The following BOD1L1 variants were observed in gnomAD, a reference collection of about 807,000 sequenced individuals.
BOD1L1 encodes biorientation of chromosomes in cell division protein 1-like 1.
Under a neutral mutation model 240.7 loss-of-function variants are expected in BOD1L1, and 86 were observed. That is an observed-to-expected ratio of 0.36 (90% confidence interval 0.30 to 0.43). BOD1L1 has a LOEUF of 0.43. Ranked by LOEUF, BOD1L1 falls within the 20% of genes least tolerant of loss-of-function variation. The pLI is 1.00. For missense variants in BOD1L1, 3,554 were observed against 3,643.5 expected (o/e 0.98, Z 0.63); for synonymous variants, 1,268 against 1,272.3 (o/e 1.00, Z 0.07).
chr4:13,603,043 G>C lies in BOD1L1; in HGVS notation c.3857C>G (p.Ser1286Ter). 6.2e-7 allele frequency: 1 copy of C among 1,614,016 alleles called. No individual in the cohort carries two copies. The highest frequency in any genetic ancestry group is 8.5e-7 in the Non-Finnish European group (1 of 1,179,876). The stretch of plus-strand genomic sequence containing the variant: ...TTCCCTCAGAGGCACAACAGTCACT[G>C]AACTTAAGGATGGTGAGGAGTCTAA... ...TNLDSSPSLSSVTVVPLRESY... is the reference protein window; with the variant it reads ...TNLDSSPSLS Residue 1286 changes from serine to a stop codon, truncating the protein, a stop_gained, in exon 10 of 26, where the codon TCA (serine) becomes TGA (stop). Transcript: ENST00000040738. LOFTEE classifies it high-confidence loss of function.
In BOD1L1 at chr4:13,605,784, A is replaced by G. The variant is rs566796254; in HGVS notation, c.1816-700T>C. Among the ~76,000 whole-genome samples, 48 of 152,328 alleles carry G rather than the reference A, an allele frequency of 3.2e-4. 2 individuals carry two copies. The South Asian group carries it at 9.3e-3, about 30-fold the overall frequency. Reference sequence around the variant, plus strand: ...AACCTCATGAATTTAGGCTACTTGTACAATATTCTACACATGAAGCTTCAA... The same window carrying G: ...AACCTCATGAATTTAGGCTACTTGTGCAATATTCTACACATGAAGCTTCAA... On this transcript the variant is annotated intron_variant, in intron 9 of 25. Coordinates refer to ENST00000040738, the MANE Select transcript of BOD1L1 (RefSeq NM_148894.3).
At chr4:13,616,273 A>C (rs1716589262) in intron 2 of BOD1L1, among the ~76,000 whole-genome samples, 1 of 152,176 alleles carries the variant, frequency 6.6e-6, no homozygotes, top group African/African-American at 2.4e-5. Flanking sequence ...GTAAGAAATT[A>C]TTTGCTTATT....
In BOD1L1 at chr4:13,604,424, T is replaced by C. The variant is rs747549855; in HGVS notation, c.2476A>G (p.Lys826Glu). 8 of 1,574,388 alleles carry C rather than the reference T, an allele frequency of 5.1e-6. No homozygotes were observed. The highest frequency in any genetic ancestry group is 6.8e-6 in the Non-Finnish European group (8 of 1,169,430). ...TDENVRKENN[K>E]KERRLSAEKT... ...TCAGCTGACAAGCGTCTCTCTTTTT[T>C]GTTGTTTTCTTTACGAACATTCTCA... Residue 826 changes from lysine (K) to glutamate (E), a missense_variant, in exon 10 of 26, where the codon AAA becomes GAA. By Grantham distance (56) the Lys-to-Glu change is moderately conservative (BLOSUM62 1). Transcript: ENST00000040738.
chr4:13,604,976 C>T lies in BOD1L1; in HGVS notation c.1924G>A (p.Asp642Asn), dbSNP rs151278291. 1,224 of 1,613,438 alleles carry T rather than the reference C, an allele frequency of 7.6e-4. 7 individuals carry two copies. Among genetic ancestry groups the T allele is most frequent in the Middle Eastern group, 2.1e-3 (13 of 6,060 alleles). Residue 642 changes from aspartate to asparagine, a missense_variant, in exon 10 of 26, where the codon GAC becomes AAC. Physicochemically the swap from Asp to Asn is conservative, Grantham distance 23. Around this residue, in one of 2 missense-constraint regions of BOD1L1, gnomAD observed 3,393 missense variants for 3,427.1 expected, o/e 0.99. Transcript: ENST00000040738. ...AATTTGGATTCATTTTTGTTTTCGTCAACTACATGCAAAGACTCTGAAAGT... is the reference window on the plus strand; with the variant it reads ...AATTTGGATTCATTTTTGTTTTCGTTAACTACATGCAAAGACTCTGAAAGT... ...RRLSESLHVVDENKNESKLER... is the reference protein window; with the variant it reads ...RRLSESLHVVNENKNESKLER...
At chr4:13,584,924 G>A (rs1260493472) in intron 17 of BOD1L1, among the ~76,000 whole-genome samples, 2 of 152,294 alleles carry the variant, frequency 1.3e-5, no homozygotes, top group South Asian at 2.1e-4. Flanking sequence ...TTAAATAAAT[G>A]CTATTGCAGA....
In BOD1L1 at chr4:13,600,462, T is replaced by C; in HGVS notation, c.6438A>G (p.Thr2146=). The change falls in exon 10 of 26, where the codon ACA becomes ACG. Residue 2146 remains threonine, a synonymous_variant. Transcript: ENST00000040738. ...GCAATTCGAATTCTTCCCCTATGCTTGTGGAAATCATGGCACACTCATCTT... is the reference window on the plus strand; with the variant it reads ...GCAATTCGAATTCTTCCCCTATGCTCGTGGAAATCATGGCACACTCATCTT... ...EEKDECAMIS[T]SIGEEFELPI... is the part of the protein sequence containing the mutation. The C allele has an allele frequency of 6.2e-7, 1 of 1,613,964 alleles. No individual in the cohort carries two copies. The highest frequency in any genetic ancestry group is 8.5e-7 in the Non-Finnish European group (1 of 1,179,890).
Position 13,599,392 on chromosome 4 carries a change from G to A in BOD1L1, c.7508C>T (p.Ala2503Val). 6.2e-7 allele frequency: 1 copy of A among 1,614,018 alleles called. No individual in the cohort carries two copies. The highest frequency in any genetic ancestry group is 8.5e-7 in the Non-Finnish European group (1 of 1,179,896). Residue 2503 changes from alanine (A) to valine (V), a missense_variant, in exon 10 of 26, where the codon GCC becomes GTC. This residue lies in a region of BOD1L1 where 3,393 missense variants were observed against 3,427.1 expected (regional missense o/e 0.99). Coordinates refer to ENST00000040738, the MANE Select transcript of BOD1L1 (RefSeq NM_148894.3). ...CGTCTGTTCTGGTCCTCTCAGGTGG[G>A]CAGGTGAGTTAGCATTCCCCTCTAA... ...RGLEGNANSP[A>V]HLRGPEQTSG...
intron 21 of BOD1L1, among the ~76,000 whole-genome samples, chr4:13,580,631 A>C (rs956433460): frequency 6.6e-6 from 1 of 152,206 alleles, no homozygotes; most frequent in African/African-American, 2.4e-5. Context: ...CCTGCACTGA[A>C]CTCAGTGAAT....
In BOD1L1 at chr4:13,601,427, T is replaced by C; in HGVS notation, c.5473A>G (p.Asn1825Asp). 1 of 1,614,028 alleles carries C rather than the reference T, an allele frequency of 6.2e-7. No homozygotes were observed. The highest frequency in any genetic ancestry group is 8.5e-7 in the Non-Finnish European group (1 of 1,179,898). Residue 1825 changes from asparagine (N) to aspartate (D), a missense_variant, in exon 10 of 26, where the codon AAT becomes GAT. Asn to Asp is a conservative substitution (Grantham distance 23). This residue lies in a region of BOD1L1 where 3,393 missense variants were observed against 3,427.1 expected (regional missense o/e 0.99). Transcript: ENST00000040738. ...GTGCTGTCCATTGCACTCTCTCCAT[T>C]TTCTTCCGATTCAGAACTTATAGCA... ...GFAISSESEE[N>D]GESAMDSTVA...
intron 22 of BOD1L1, among the ~76,000 whole-genome samples, chr4:13,579,542 C>T (rs982554939): frequency 1.3e-5 from 2 of 152,172 alleles, no homozygotes; most frequent in African/African-American, 2.4e-5. Context: ...TCACTAATGG[C>T]ACCTCTTGTT....
At position 13,576,989 on chromosome 4, in the gene BOD1L1, A is replaced by T; in HGVS notation, c.8887T>A (p.Ser2963Thr). The T allele has an allele frequency of 6.2e-7, 1 of 1,613,460 alleles. No homozygotes were observed. Among genetic ancestry groups the T allele is most frequent in the Non-Finnish European group, 8.5e-7 (1 of 1,179,702 alleles). Residue 2963 changes from serine to threonine, a missense_variant and splice_region_variant, in exon 25 of 26, where the codon TCC becomes ACC. Ser to Thr is a moderately conservative substitution (Grantham distance 58, BLOSUM62 1). This residue lies in a region of BOD1L1 where 3,393 missense variants were observed against 3,427.1 expected (regional missense o/e 0.99). Coordinates refer to ENST00000040738, the MANE Select transcript of BOD1L1 (RefSeq NM_148894.3). ...TGGCGTTTTCTTTCTGGCTCTGAGG[A>T]TTCTGTTCAAATAGAAGGGTAACAC... The part of the protein sequence containing the change: ...RSLTVSDDAE[S>T]SEPERKRQKS...
Position 13,604,178 on chromosome 4 carries a change from G to C in BOD1L1, c.2722C>G (p.Leu908Val). 6.2e-7 allele frequency: 1 copy of C among 1,612,940 alleles called. No individual in the cohort carries two copies. The highest frequency in any genetic ancestry group is 8.5e-7 in the Non-Finnish European group (1 of 1,179,686). The change falls in exon 10 of 26, where the codon CTT (leucine) becomes GTT (valine). Residue 908 changes from leucine to valine, a missense_variant. Physicochemically the swap from Leu to Val is conservative, Grantham distance 32 (BLOSUM62 1). Transcript: ENST00000040738. ...RRTKSLLEEK[L>V]VLKSKSKTQG... ...GTTTTTGATTTAGACTTCAACACAA[G>C]TTTCTCTTCTAACAAGCTCTTTGTT...
chr4:13,619,563 T>A (rs915082897), intron 2 of BOD1L1, among the ~76,000 whole-genome samples: 1 of 152,178 alleles, frequency 6.6e-6, no homozygotes, highest in African/African-American at 2.4e-5. Context: ...ATTTCAGTAA[T>A]CTTTAATGTC....
rs1012962512 is a variant in BOD1L1 at position 13,599,473 on chromosome 4, G to C, written c.7427C>G (p.Pro2476Arg). Residue 2476 changes from proline (P) to arginine (R), a missense_variant, in exon 10 of 26, where the codon CCA (proline) becomes CGA (arginine). Coordinates refer to ENST00000040738, the MANE Select transcript of BOD1L1 (RefSeq NM_148894.3). ...LNSLQKEDKS[P>R]ETGTAGGSST... ...ACTGCCCCCTGCTGTCCCTGTCTCT[G>C]GGCTCTTATCTTCTTTCTGAAGGGA... is the stretch of plus-strand genomic sequence containing the variant. 1.4e-5 allele frequency: 23 copies of C among 1,613,956 alleles called. No individual in the cohort carries two copies. In the Middle Eastern group the frequency reaches 1.3e-3, roughly 93 times the overall value.
intron 1 of BOD1L1, chr4:13,624,877 A>C (rs1489041398): frequency 6.6e-6 from 1 of 152,234 alleles, no homozygotes; most frequent in Non-Finnish European, 1.5e-5. Context: ...TTTTTGACAG[A>C]AAGCAGGTCA....
chr4:13,603,757 A>G lies in BOD1L1; in HGVS notation c.3143T>C (p.Val1048Ala). 6.2e-7 allele frequency: 1 copy of G among 1,613,796 alleles called. No individual in the cohort carries two copies. ...TCTGGCCTTTTCATGACTACTGTCA[A>G]CTTCTTTACCATCCTTGTCATCTGA... The part of the protein sequence containing the change: ...NKSDDKDGKE[V>A]DSSHEKARGN... The change falls in exon 10 of 26, where the codon GTT becomes GCT. Residue 1048 changes from valine (V) to alanine (A), a missense_variant. Transcript: ENST00000040738.
At chr4:13,587,596 G>C (rs1004967813) in intron 16 of BOD1L1, 103 bp downstream of exon 16, 1 of 821,006 alleles carries the variant, frequency 1.2e-6, no homozygotes, top group Non-Finnish European at 2.0e-6. Flanking sequence ...GTAAAGTAGA[G>C]AGTTACTATC....
chr4:13,599,434 T>A lies in BOD1L1; in HGVS notation c.7466A>T (p.Tyr2489Phe). The A allele has an allele frequency of 6.2e-7, 1 of 1,614,024 alleles. No homozygotes were observed. Among genetic ancestry groups the A allele is most frequent in the Non-Finnish European group, 8.5e-7 (1 of 1,179,874 alleles). The change falls in exon 10 of 26, where the codon TAT (tyrosine) becomes TTT (phenylalanine). Residue 2489 changes from tyrosine to phenylalanine, a missense_variant. Coordinates refer to ENST00000040738, the MANE Select transcript of BOD1L1 (RefSeq NM_148894.3). ...CCCCTCTAAGCCCCTTCCTGCTGAA[T>A]AACTTGCTGTGCTACTGCCCCCTGC... Reference protein sequence around the residue: ...GTAGGSSTASYSAGRGLEGNA... With the variant: ...GTAGGSSTASFSAGRGLEGNA...
At chr4:13,618,219 C>T (rs1381715015) in intron 2 of BOD1L1, among the ~76,000 whole-genome samples, 1 of 152,080 alleles carries the variant, frequency 6.6e-6, no homozygotes, top group East Asian at 1.9e-4. Context: ...AGAAGTTTGC[C>T]TTCAATCTGA....
Sources: allele counts gnomAD v4.1 joint callset (sites outside exome capture counted in the v4.1 genomes callset), GRCh38; gene constraint gnomAD v4.1.1; regional missense constraint gnomAD v4.1.1; transcripts MANE v1.5; gene names NCBI Gene and HGNC (gene_info 2026-07-23, HGNC 2026-07-21).